DERL1: variants seen among roughly 807,000 people sequenced by gnomAD.
The protein encoded by DERL1 is derlin-1.
DERL1 carries 24 observed loss-of-function variants against 41.6 expected under a neutral mutation model. The observed-to-expected ratio is 0.58, with a 90% CI of 0.42 to 0.81. The LOEUF is 0.81. Ranked by LOEUF, DERL1 falls within the 30% of genes least tolerant of loss-of-function variation. The pLI, the probability that DERL1 is intolerant of heterozygous loss-of-function variation, is 0.00. For missense variants in DERL1, 260 were observed against 314.3 expected, an observed-to-expected ratio of 0.83 and a Z score of 1.31; for synonymous variants, 124 against 112.5, an observed-to-expected ratio of 1.10 and a Z score of -0.65.
intron 2 of DERL1, among the ~76,000 whole-genome samples, chr8:123,029,333 T>C (rs1385899794): frequency 6.6e-6 from 1 of 152,200 alleles, no homozygotes; most frequent in Non-Finnish European, 1.5e-5. Context: ...TTCCTCCCAA[T>C]AGTAATATAA....
At chr8:123,041,929 T>A (rs562832863) in intron 1 of DERL1, 41 bp downstream of exon 1, 1 of 1,546,178 alleles carries the variant, frequency 6.5e-7, no homozygotes, top group East Asian at 2.4e-5. Flanking sequence ...CTGGGCCTCC[T>A]GGGGCCTGTA....
chr8:123,041,122 G>T (rs886382780), intron 1 of DERL1, among the ~76,000 whole-genome samples: 1 of 152,308 alleles, frequency 6.6e-6, no homozygotes, highest in South Asian at 2.1e-4. Flanking sequence ...ACATTTAAAA[G>T]TCAGGAAGAT....
intron 7 of DERL1, chr8:123,018,089 C>G (rs1335028707): frequency 1.3e-5 from 2 of 152,192 alleles, no homozygotes; most frequent in Non-Finnish European, 2.9e-5. Flanking sequence ...AGGAGGCCTG[C>G]TCAAGTTTTA....
At chr8:123,040,487 G>A (rs1466832045) in intron 1 of DERL1, among the ~76,000 whole-genome samples, 1 of 152,214 alleles carries the variant, frequency 6.6e-6, no homozygotes, top group African/African-American at 2.4e-5. Flanking sequence ...GGTACAAGTT[G>A]GAGAGTAGTA....
At chr8:123,019,165 T>C (rs746655677) in intron 7 of DERL1, 30 bp downstream of exon 7, 2 of 1,449,654 alleles carry the variant, frequency 1.4e-6, no homozygotes, top group Non-Finnish European at 9.7e-7. Context: ...GGCAGTAAAA[T>C]GTTAGATGAG....
intron 2 of DERL1, among the ~76,000 whole-genome samples, chr8:123,029,613 A>C (rs995824558): frequency 6.6e-6 from 1 of 152,214 alleles, no homozygotes; most frequent in African/African-American, 2.4e-5. Context: ...AGTCATTTAA[A>C]TTTAACAAAA....
chr8:123,025,402 T>C (rs1230004357), intron 2 of DERL1, among the ~76,000 whole-genome samples: 5 of 152,224 alleles, frequency 3.3e-5, no homozygotes, highest in Non-Finnish European at 7.3e-5. Context: ...CCTCCCAGCC[T>C]GTCAGCCTTT....
intron 6 of DERL1, among the ~76,000 whole-genome samples, chr8:123,019,671 G>A (rs890266989): frequency 2.0e-5 from 3 of 152,110 alleles, no homozygotes; most frequent in African/African-American, 4.8e-5. Context: ...TAAAATGTGG[G>A]CAAACATGAA....
In DERL1 at chr8:123,030,699, A is replaced by G. The variant is rs758808231; in HGVS notation, c.171T>C (p.Thr57=). The G allele has an allele frequency of 1.9e-6, 3 of 1,612,578 alleles. No homozygotes were observed. The South Asian group carries it at 3.3e-5, about 18-fold the overall frequency. ...GACCCACAGGGAAATAAAAGGTGGC[A>G]GTGATTGGCCTCCAAATCTGTCCAG... The part of the protein sequence containing the change: ...LYRFQIWRPI[T]ATFYFPVGPG... The change falls in exon 2 of 8, where the codon ACT becomes ACC. Residue 57 remains threonine (T), a synonymous_variant. Transcript: ENST00000259512.
chr8:123,023,027 T>A (rs532481985), intron 4 of DERL1, among the ~76,000 whole-genome samples: 2 of 152,320 alleles, frequency 1.3e-5, no homozygotes, highest in South Asian at 4.1e-4. Context: ...AGCTCTGTTA[T>A]TTACAAAAAG....
chr8:123,029,459 T>C (rs1346980204), intron 2 of DERL1, among the ~76,000 whole-genome samples: 2 of 152,206 alleles, frequency 1.3e-5, no homozygotes, highest in African/African-American at 4.8e-5. Context: ...CATCCTACTA[T>C]TTCCCTGCAG....
intron 6 of DERL1, among the ~76,000 whole-genome samples, chr8:123,021,227 G>A (rs1476542969): frequency 1.3e-5 from 2 of 152,150 alleles, no homozygotes; most frequent in Admixed American, 1.3e-4. Flanking sequence ...CATACTGTGT[G>A]TAACAATAAG....
chr8:123,023,458 G>A (rs541627564), intron 4 of DERL1, among the ~76,000 whole-genome samples: 1 of 152,260 alleles, frequency 6.6e-6, no homozygotes, highest in African/African-American at 2.4e-5. Flanking sequence ...GGGAAGCTGA[G>A]GCAGGAAAAT....
chr8:123,016,720 C>A (rs1814583143), intron 7 of DERL1: 1 of 152,274 alleles, frequency 6.6e-6, no homozygotes, highest in South Asian at 2.1e-4. Context: ...GCGCCCTGCA[C>A]TACTTGTTAT....
intron 3 of DERL1, 37 bp downstream of exon 3, chr8:123,024,949 G>T: frequency 6.2e-7 from 1 of 1,603,106 alleles, no homozygotes; most frequent in Non-Finnish European, 8.5e-7. Context: ...AAAAAAACTG[G>T]TTTATTTCTG....
chr8:123,029,334 AGTAATATAATAGT>A (rs1459190585), intron 2 of DERL1, among the ~76,000 whole-genome samples: 133 of 152,328 alleles, frequency 8.7e-4, no homozygotes, highest in African/African-American at 2.9e-3. Flanking sequence ...TCCTCCCAAT[AGTAATATAATAGT>A]CTATGACCTT....
chr8:123,017,772 G>A (rs1814614809), intron 7 of DERL1: 1 of 151,990 alleles, frequency 6.6e-6, no homozygotes, highest in African/African-American at 2.4e-5. Context: ...AGTAACTGTT[G>A]GCTGCCCCCC....
At chr8:123,040,863 G>T (rs1398980878) in intron 1 of DERL1, among the ~76,000 whole-genome samples, 1 of 152,160 alleles carries the variant, frequency 6.6e-6, no homozygotes, top group African/African-American at 2.4e-5. Context: ...GGGGGAAAGG[G>T]GATTCAGTTT....
At chr8:123,024,904 C>T (rs1205162978) in intron 3 of DERL1, 82 bp downstream of exon 3, 80 of 1,390,934 alleles carry the variant, frequency 5.8e-5, no homozygotes, top group Non-Finnish European at 7.5e-5. Flanking sequence ...TAATTTGAAA[C>T]GTTTACAGAA....
Sources: allele counts gnomAD v4.1 joint callset (sites outside exome capture counted in the v4.1 genomes callset), GRCh38; gene constraint gnomAD v4.1.1; transcripts MANE v1.5; gene names NCBI Gene and HGNC (gene_info 2026-07-23, HGNC 2026-07-21).